GATA6: variants seen among roughly 807,000 people sequenced by gnomAD.
GATA6 encodes transcription factor GATA-6.
Under a neutral mutation model 48.1 loss-of-function variants are expected in GATA6, and 11 were observed. The observed-to-expected ratio is 0.23, with a 90% CI of 0.14 to 0.38. GATA6 has a LOEUF of 0.38. Among genes scored for constraint, GATA6 ranks in the 10% least tolerant of loss-of-function variants. The probability of loss-of-function intolerance (pLI) is 1.00; values close to 1 mark genes in which losing one functional copy is unlikely to be tolerated. For missense variants in GATA6, 795 were observed against 850.3 expected (o/e 0.93, Z 0.81); for synonymous variants, 419 against 396.1 (o/e 1.06, Z -0.69).
intron 6 of GATA6, among the ~76,000 whole-genome samples, chr18:22,191,288 C>G (rs1374843587): frequency 6.6e-6 from 1 of 152,070 alleles, no homozygotes; most frequent in Non-Finnish European, 1.5e-5. Context: ...AGAAGTTATT[C>G]ACCATTTCTT....
chr18:22,200,297 G>GT (rs2033443804), intron 6 of GATA6, among the ~76,000 whole-genome samples: 1 of 152,190 alleles, frequency 6.6e-6, no homozygotes, highest in Non-Finnish European at 1.5e-5. Flanking sequence ...AGTGAGGTTT[G>GT]TTTCACAGTC....
At position 22,201,979 on chromosome 18, in the gene GATA6, T is replaced by G. The variant is rs1311727351; in HGVS notation, c.*1156T>G. ...ATAAAAAGGGTATTGTTTTGTCTTCTGTACAGTGAGTTCCTTCCCTTTTCA... is the reference window on the plus strand; with the variant it reads ...ATAAAAAGGGTATTGTTTTGTCTTCGGTACAGTGAGTTCCTTCCCTTTTCA... On this transcript the variant is annotated 3_prime_UTR_variant, in exon 7 of 7. Coordinates refer to ENST00000269216, the MANE Select transcript of GATA6 (RefSeq NM_005257.6). The G allele has an allele frequency of 6.6e-6, 1 of 152,252 alleles. No individual in the cohort carries two copies. Among genetic ancestry groups the G allele is most frequent in the Non-Finnish European group, 1.5e-5 (1 of 68,048 alleles). 9.4% of individuals were successfully genotyped at this position (152,252 alleles called of 1,614,324 possible). A position where few individuals can be genotyped will look rare whatever the true frequency, so the allele number is the denominator to read the frequency against.
At chr18:22,188,299 G>C (rs377316059) in intron 6 of GATA6, among the ~76,000 whole-genome samples, 170 of 152,330 alleles carry the variant, frequency 1.1e-3, no homozygotes, top group African/African-American at 3.9e-3. Flanking sequence ...GGTGGGTAGA[G>C]AGAGACAGGT....
chr18:22,183,357 ATAT>A (rs1368175009), intron 6 of GATA6, among the ~76,000 whole-genome samples: 1 of 152,190 alleles, frequency 6.6e-6, no homozygotes, highest in African/African-American at 2.4e-5. Context: ...GTTGCTATAT[ATAT>A]TATATGTGTA....
At chr18:22,195,194 T>G (rs2033375832) in intron 6 of GATA6, among the ~76,000 whole-genome samples, 1 of 152,162 alleles carries the variant, frequency 6.6e-6, no homozygotes, top group Non-Finnish European at 1.5e-5. Context: ...CGCTGATGCA[T>G]GGAGCTGACG....
Position 22,170,292 on chromosome 18 carries a change from T to C in GATA6, c.-38+610T>C, listed in dbSNP as rs1359425625. On this transcript the variant is annotated intron_variant, in intron 1 of 6. Transcript: ENST00000269216. The surrounding 1 kb of genome is among the most constrained non-coding windows in gnomAD (Gnocchi z 6.7). ...TCTGCTGCTGGAGATGACCGCGGGG[T>C]GGGCCGGGTGGCCCGGCCGGCGTGA... Among the ~76,000 whole-genome samples, 1 of 152,070 alleles carries C rather than the reference T, an allele frequency of 6.6e-6. No individual in the cohort carries two copies. Among genetic ancestry groups the C allele is most frequent in the Non-Finnish European group, 1.5e-5 (1 of 68,008 alleles).
At position 22,201,045 on chromosome 18, in the gene GATA6, C is replaced by T. The variant is rs1440746401; in HGVS notation, c.*222C>T. On this transcript the variant is annotated 3_prime_UTR_variant, in exon 7 of 7. Coordinates refer to ENST00000269216, the MANE Select transcript of GATA6 (RefSeq NM_005257.6). ...GGGCGCTTGGGCCACTCCAGCCAGC[C>T]CGCCTCCGGGGCGGACCCTGCTCCA... 1.6e-6 allele frequency: 1 copy of T among 619,558 alleles called. No individual in the cohort carries two copies. Among genetic ancestry groups the T allele is most frequent in the Non-Finnish European group, 2.8e-6 (1 of 358,572 alleles). 38.4% of individuals were successfully genotyped at this position (619,558 alleles called of 1,614,324 possible). A position where few individuals can be genotyped will look rare whatever the true frequency, so the allele number is the denominator to read the frequency against.
At chr18:22,176,901 G>C in intron 2 of GATA6, 54 bp from the exon 3 acceptor site, 1 of 1,508,486 alleles carries the variant, frequency 6.6e-7, no homozygotes, top group East Asian at 2.6e-5. Context: ...GTGACGCGGG[G>C]AGGGACGGGT....
intron 6 of GATA6, among the ~76,000 whole-genome samples, chr18:22,183,844 G>A (rs911012045): frequency 1.3e-5 from 2 of 152,196 alleles, no homozygotes; most frequent in African/African-American, 4.8e-5. Context: ...GAGCTCCAAG[G>A]CAGGGCCTGC....
rs1355235789 is a variant in GATA6, at chr18:22,200,926, C to T, written c.*103C>T. The stretch of plus-strand genomic sequence containing the variant: ...GACAGTGGCGACTGCGCTGACAGAA[C>T]GTGATTCTCGTGCCTTTATTTTGAA... On this transcript the variant is annotated 3_prime_UTR_variant, in exon 7 of 7. Coordinates refer to ENST00000269216, the MANE Select transcript of GATA6 (RefSeq NM_005257.6). 4.3e-6 allele frequency: 5 copies of T among 1,161,664 alleles called. No homozygotes were observed. Among genetic ancestry groups the T allele is most frequent in the Non-Finnish European group, 6.1e-6 (5 of 823,478 alleles). The allele number at this position is 1,161,664 out of a possible 1,614,324, so 72.0% of individuals were successfully genotyped here. A position where few individuals can be genotyped will look rare whatever the true frequency, so the allele number is the denominator to read the frequency against.
Position 22,181,477 on chromosome 18 carries a change from T to G in GATA6, c.1327T>G (p.Ser443Ala). 6.2e-7 allele frequency: 1 copy of G among 1,614,248 alleles called. No homozygotes were observed. The highest frequency in any genetic ancestry group is 8.5e-7 in the Non-Finnish European group (1 of 1,180,042). Reference protein sequence around the residue: ...RVPSSRRLGLSCANCHTTTTT... With the variant: ...RVPSSRRLGLACANCHTTTTT... ...GCCTTCATCACGGCGGCTTGGATTG[T>G]CCTGTGCCAACTGTCACACCACAAC... Residue 443 changes from serine to alanine, a missense_variant, in exon 4 of 7, where the codon TCC (serine) becomes GCC (alanine). Ser to Ala is a moderately conservative substitution (Grantham distance 99). Around this residue, in one of 5 missense-constraint regions of GATA6, gnomAD observed 76 missense variants for 113.1 expected, o/e 0.67. Transcript: ENST00000269216.
chr18:22,190,089 A>G (rs1292546949), intron 6 of GATA6, among the ~76,000 whole-genome samples: 2 of 152,234 alleles, frequency 1.3e-5, no homozygotes, highest in African/African-American at 4.8e-5. Context: ...AAGAAATTGG[A>G]CTAGTTTGAT....
chr18:22,177,118 C>G lies in GATA6; in HGVS notation c.1299C>G (p.Arg433=), dbSNP rs887805315. Residue 433 remains arginine, a synonymous_variant, in exon 3 of 7, where the codon CGC becomes CGG. Transcript: ENST00000269216. The stretch of plus-strand genomic sequence containing the variant: ...GGCCCCTCATCAAGCCGCAGAAGCG[C>G]GTGGTGAGTGTGACCCGCCCTGCCC... ...LSRPLIKPQK[R]VPSSRRLGLS... 27 of 1,548,146 alleles carry G rather than the reference C, an allele frequency of 1.7e-5. No individual in the cohort carries two copies. Among genetic ancestry groups the G allele is most frequent in the Non-Finnish European group, 2.3e-5 (26 of 1,147,452 alleles).
intron 3 of GATA6, among the ~76,000 whole-genome samples, chr18:22,178,127 C>A (rs1001700673): frequency 7.9e-5 from 12 of 151,424 alleles, no homozygotes; most frequent in Admixed American, 4.6e-4. Flanking sequence ...ACGCCCGGCT[C>A]ATTTTTTTGT....
chr18:22,195,801 G>A (rs985694950), intron 6 of GATA6, among the ~76,000 whole-genome samples: 13 of 152,220 alleles, frequency 8.5e-5, no homozygotes, highest in African/African-American at 3.1e-4. Context: ...TTGCATAATA[G>A]TTCATTGAGC....
intron 4 of GATA6, among the ~76,000 whole-genome samples, chr18:22,182,039 A>G (rs895349982): frequency 5.9e-5 from 9 of 152,232 alleles, no homozygotes; most frequent in African/African-American, 2.2e-4. Flanking sequence ...TTTAATAGTT[A>G]TAGTTTGAAA....
intron 6 of GATA6, among the ~76,000 whole-genome samples, 168 bp downstream of exon 6, chr18:22,183,211 A>G (rs2033220521): frequency 6.6e-6 from 1 of 152,234 alleles, no homozygotes; most frequent in Non-Finnish European, 1.5e-5. Flanking sequence ...TGTCAACAAA[A>G]TGACAAACTT....
intron 4 of GATA6, 140 bp downstream of exon 4, chr18:22,181,718 A>G (rs1011607082): frequency 1.2e-5 from 10 of 853,768 alleles, no homozygotes; most frequent in African/African-American, 3.3e-5. Flanking sequence ...TATGTTTAAT[A>G]TATTCAGTGT....
chr18:22,172,258 G>A lies in GATA6; in HGVS notation c.1114G>A (p.Val372Met), dbSNP rs1243661585. 7 of 1,533,324 alleles carry A rather than the reference G, an allele frequency of 4.6e-6. No individual in the cohort carries two copies. The highest frequency in any genetic ancestry group is 6.1e-6 in the Non-Finnish European group (7 of 1,146,138). The allele number at this position is 1,533,324 out of a possible 1,614,324, so 95.0% of individuals were successfully genotyped here. The part of the protein sequence containing the change: ...LQSRAGAPLP[V>M]PRGPSADLLE... ...GAGCCGCGCCGGAGCCCCGCTCCCG[G>A]TGCCCCGGGGTCCCAGTGCAGGTAA... Residue 372 changes from valine (V) to methionine (M), a missense_variant, in exon 2 of 7, where the codon GTG (valine) becomes ATG (methionine). Physicochemically the swap from Val to Met is conservative, Grantham distance 21. Coordinates refer to ENST00000269216, the MANE Select transcript of GATA6 (RefSeq NM_005257.6). This position sits in a 1 kb window ranked among gnomAD's most constrained non-coding sequence, Gnocchi z 5.2.
Sources: allele counts gnomAD v4.1 joint callset (sites outside exome capture counted in the v4.1 genomes callset), GRCh38; gene constraint gnomAD v4.1.1; regional missense constraint gnomAD v4.1.1; non-coding constraint Gnocchi (gnomAD v3.1); transcripts MANE v1.5; gene names NCBI Gene and HGNC (gene_info 2026-07-23, HGNC 2026-07-21).